CENPW: variants seen among roughly 807,000 people sequenced by gnomAD.
CENPW encodes the protein centromere protein W, also known as cancer-up-regulated gene 2 protein.
CENPW carries 3 observed loss-of-function variants against 11.1 expected under a neutral mutation model. That is an observed-to-expected ratio of 0.27 (90% confidence interval 0.12 to 0.70). CENPW has a LOEUF of 0.70. Ranked by LOEUF, CENPW falls within the 30% of genes least tolerant of loss-of-function variation. The pLI is 0.77. For missense variants in CENPW, 100 were observed against 105.6 expected (o/e 0.95, Z 0.23); for synonymous variants, 38 against 42.0 (o/e 0.91, Z 0.37).
the CENPW span, among the ~76,000 whole-genome samples, chr6:126,375,869 G>T: frequency 6.6e-6 from 1 of 152,002 alleles, no homozygotes; most frequent in Non-Finnish European, 1.5e-5. Flanking sequence ...CTCCTTTGAG[G>T]AGGCATATGA....
At chr6:126,403,090 T>C in the CENPW span, among the ~76,000 whole-genome samples, 4 of 152,130 alleles carry the variant, frequency 2.6e-5, no homozygotes, top group Admixed American at 2.6e-4. Flanking sequence ...CCACAAATTA[T>C]GCCCATACAA....
intron 1 of CENPW, among the ~76,000 whole-genome samples, chr6:126,345,435 T>G (rs1780389441): frequency 6.6e-6 from 1 of 152,026 alleles, no homozygotes; most frequent in Admixed American, 6.6e-5. Flanking sequence ...TTGTAAACTT[T>G]GTTGTTTTAT....
intron 1 of CENPW, among the ~76,000 whole-genome samples, chr6:126,341,394 C>T (rs1476759882): frequency 6.6e-6 from 1 of 152,130 alleles, no homozygotes; most frequent in African/African-American, 2.4e-5. Flanking sequence ...ATTGGTTTTT[C>T]TACCTCCTCT....
chr6:126,419,605 C>T, the CENPW span, among the ~76,000 whole-genome samples: 1 of 152,084 alleles, frequency 6.6e-6, no homozygotes, highest in Non-Finnish European at 1.5e-5. Flanking sequence ...AATAACATAA[C>T]ACAAATTTAT....
chr6:126,341,005 T>G (rs1260206462), intron 1 of CENPW, among the ~76,000 whole-genome samples: 1 of 152,214 alleles, frequency 6.6e-6, no homozygotes, highest in African/African-American at 2.4e-5. Context: ...TCTCAACTGT[T>G]AATTCATTTC....
chr6:126,416,945 C>T, the CENPW span, among the ~76,000 whole-genome samples: 4 of 152,160 alleles, frequency 2.6e-5, no homozygotes, highest in African/African-American at 9.7e-5. Flanking sequence ...AGAAGACCAC[C>T]ATCTTCCAGA....
At chr6:126,421,397 T>C in the CENPW span, among the ~76,000 whole-genome samples, 4 of 152,096 alleles carry the variant, frequency 2.6e-5, no homozygotes, top group South Asian at 2.1e-4. Context: ...GGCTATATTA[T>C]GAAATGTGTT....
At chr6:126,406,415 G>T in the CENPW span, among the ~76,000 whole-genome samples, 1 of 151,724 alleles carries the variant, frequency 6.6e-6, no homozygotes, top group East Asian at 1.9e-4. Flanking sequence ...TCTTTCATGC[G>T]TATCTGTGTT....
At chr6:126,465,000 G>A in the CENPW span, among the ~76,000 whole-genome samples, 2 of 152,154 alleles carry the variant, frequency 1.3e-5, 1 homozygote, top group Admixed American at 1.3e-4. Flanking sequence ...TTGTACTGGA[G>A]GTTCTAGTGA....
At chr6:126,345,036 T>C (rs1414026915) in intron 1 of CENPW, among the ~76,000 whole-genome samples, 2 of 152,068 alleles carry the variant, frequency 1.3e-5, no homozygotes, top group African/African-American at 2.4e-5. Context: ...GGGGAAGATA[T>C]GTGCAATAAT....
chr6:126,371,993 C>T, the CENPW span, among the ~76,000 whole-genome samples: 1 of 151,930 alleles, frequency 6.6e-6, no homozygotes, highest in Non-Finnish European at 1.5e-5. Context: ...CTTGGTTAAT[C>T]TCACAGTGGT....
chr6:126,378,838 G>C, the CENPW span, among the ~76,000 whole-genome samples: 1 of 151,782 alleles, frequency 6.6e-6, no homozygotes, highest in African/African-American at 2.4e-5. Flanking sequence ...TATTCTTTAA[G>C]AAAAAAATCA....
chr6:126,359,348 G>A, the CENPW span, among the ~76,000 whole-genome samples: 1 of 151,712 alleles, frequency 6.6e-6, no homozygotes, highest in East Asian at 1.9e-4. Context: ...ACAGCGTGTG[G>A]CCGATCTTAG....
the CENPW span, among the ~76,000 whole-genome samples, chr6:126,470,871 T>G: frequency 6.6e-6 from 1 of 152,238 alleles, no homozygotes; most frequent in African/African-American, 2.4e-5. Context: ...GGCTGATTTC[T>G]CCCATTTGTA....
the CENPW span, among the ~76,000 whole-genome samples, chr6:126,378,479 T>A: frequency 6.7e-6 from 1 of 148,180 alleles, no homozygotes; most frequent in Non-Finnish European, 1.5e-5. Context: ...TTTTTTTTTT[T>A]AACTAATATT....
chr6:126,414,316 A>T, the CENPW span, among the ~76,000 whole-genome samples: 1 of 152,128 alleles, frequency 6.6e-6, no homozygotes, highest in Non-Finnish European at 1.5e-5. Context: ...CCTAACAGAC[A>T]TTTACAAAGC....
the CENPW span, among the ~76,000 whole-genome samples, chr6:126,450,991 C>T: frequency 6.6e-6 from 1 of 150,502 alleles, no homozygotes; most frequent in Non-Finnish European, 1.5e-5. Context: ...CTATGTAACC[C>T]AGAAGAAAAA....
the CENPW span, among the ~76,000 whole-genome samples, chr6:126,462,505 T>G: frequency 1.0e-4 from 14 of 140,636 alleles, no homozygotes; most frequent in African/African-American, 3.1e-4. Context: ...TTCTCTTCTT[T>G]TCTTTCTCTC....
chr6:126,438,257 T>A, the CENPW span, among the ~76,000 whole-genome samples: 1 of 151,674 alleles, frequency 6.6e-6, no homozygotes. Context: ...TATATAAACC[T>A]AAATTGGGCT....
Sources: allele counts gnomAD v4.1 joint callset (sites outside exome capture counted in the v4.1 genomes callset), GRCh38; gene constraint gnomAD v4.1.1; transcripts MANE v1.5; gene names NCBI Gene and HGNC (gene_info 2026-07-23, HGNC 2026-07-21).